Variants in RUNX1 observed in about 807,000 individuals in gnomAD.
RUNX1 encodes the protein runt-related transcription factor 1.
A neutral mutation model predicts 42.8 loss-of-function variants in RUNX1; 19 were observed. The ratio of observed to expected loss-of-function variants is 0.44; its 90% CI spans 0.31 to 0.65. RUNX1 has a LOEUF of 0.65. RUNX1 is among the 30% of genes least tolerant of loss of function. The pLI, the probability that RUNX1 is intolerant of heterozygous loss-of-function variation, is 0.07. For synonymous variants in RUNX1, 271 were observed against 289.4 expected, an observed-to-expected ratio of 0.94 and a Z score of 0.64; for missense variants, 528 against 672.0, an observed-to-expected ratio of 0.79 and a Z score of 2.37.
chr21:34,857,905 A>T (rs994661569), intron 6 of RUNX1, among the ~76,000 whole-genome samples: 12 of 152,296 alleles, frequency 7.9e-5, no homozygotes, highest in African/African-American at 2.9e-4. Context: ...TTCACTCATA[A>T]AGAAGAATCA....
At chr21:34,966,187 CA>C (rs1321204071) in intron 2 of RUNX1, among the ~76,000 whole-genome samples, 1 of 152,186 alleles carries the variant, frequency 6.6e-6, no homozygotes, top group Admixed American at 6.5e-5. Context: ...CCCAAGATCA[CA>C]AGGCAAGAAA....
At position 34,792,398 on chromosome 21, in the gene RUNX1, C is replaced by T. The variant is rs2056455422; in HGVS notation, c.1180G>A (p.Gly394Ser). Residue 394 changes from glycine to serine, a missense_variant, in exon 9 of 9, where the codon GGC becomes AGC. By Grantham distance (56) the Gly-to-Ser change is moderately conservative. Transcript: ENST00000675419. The surrounding 1 kb of genome is among the most constrained non-coding windows in gnomAD (Gnocchi z 6.9). ...PYPGSSQAQG[G>S]PFQASSPSYH... Reference sequence around the variant, plus strand: ...GAGGGCGAGCTGGCTTGGAACGGGCCTCCCTGCGCTTGCGACGAGCCGGGG... The same window carrying T: ...GAGGGCGAGCTGGCTTGGAACGGGCTTCCCTGCGCTTGCGACGAGCCGGGG... 2 of 1,566,316 alleles carry T rather than the reference C, an allele frequency of 1.3e-6. No individual in the cohort carries two copies. Among genetic ancestry groups the T allele is most frequent in the Non-Finnish European group, 1.7e-6 (2 of 1,155,548 alleles).
chr21:34,866,785 T>C (rs2057669345), intron 5 of RUNX1, among the ~76,000 whole-genome samples: 1 of 152,230 alleles, frequency 6.6e-6, no homozygotes, highest in South Asian at 2.1e-4. Flanking sequence ...AAAGTGCCTG[T>C]ATTTGCAGAT....
chr21:34,829,070 A>G (rs2146041511), intron 7 of RUNX1, among the ~76,000 whole-genome samples: 1 of 152,294 alleles, frequency 6.6e-6, no homozygotes, highest in Admixed American at 6.5e-5. Context: ...TAAGAAAACT[A>G]AGGCTTTAAA....
At chr21:34,979,993 C>A (rs144251865) in intron 2 of RUNX1, among the ~76,000 whole-genome samples, 27 of 152,314 alleles carry the variant, frequency 1.8e-4, no homozygotes, top group South Asian at 1.2e-3. Flanking sequence ...CGAAAGCGAG[C>A]TACTTGCTGT....
At chr21:34,892,808 AATT>A in intron 3 of RUNX1, 114 bp downstream of exon 3, 1 of 674,260 alleles carries the variant, frequency 1.5e-6, no homozygotes. Flanking sequence ...AAACAGCCTT[AATT>A]ATTTGGTTAA....
rs528191303 is a variant in RUNX1 at position 34,896,588 on chromosome 21, C to A, written c.59-3625G>T. On this transcript the variant is annotated intron_variant, in intron 2 of 8. Transcript: ENST00000675419. ...ATCCCAGCTATTCAGGAGGCTGAGG[C>A]AGGAGAATCACTAGAACCCAGGAGG... Among the ~76,000 whole-genome samples the A allele has an allele frequency of 2.6e-5, 4 of 152,270 alleles. No individual in the cohort carries two copies. The South Asian group carries it at 6.2e-4, about 24-fold the overall frequency.
chr21:34,944,663 C>T (rs1473163984), intron 2 of RUNX1, among the ~76,000 whole-genome samples: 1 of 152,160 alleles, frequency 6.6e-6, no homozygotes, highest in Non-Finnish European at 1.5e-5. Context: ...ACAGATGGCA[C>T]ATGCTGCAGT....
intron 2 of RUNX1, among the ~76,000 whole-genome samples, chr21:34,937,633 A>C (rs1601590318): frequency 6.6e-6 from 1 of 151,556 alleles, no homozygotes. Context: ...AAGTTTTTTG[A>C]GGCTCAATGT....
Position 34,907,483 on chromosome 21 carries a change from C to G in RUNX1, c.59-14520G>C, listed in dbSNP as rs771020864. On this transcript the variant is annotated intron_variant, in intron 2 of 8. Transcript: ENST00000675419. This position sits in a 1 kb window ranked among gnomAD's most constrained non-coding sequence, Gnocchi z 5.3. Reference sequence around the variant, plus strand: ...TTTTGATTGATGTATCTCCCCTGAGCCCTGGCATACTATTTACTTCTTACT... The same window carrying G: ...TTTTGATTGATGTATCTCCCCTGAGGCCTGGCATACTATTTACTTCTTACT... Among the ~76,000 whole-genome samples the G allele has an allele frequency of 2.2e-4, 33 of 152,082 alleles. No individual in the cohort carries two copies. The highest frequency in any genetic ancestry group is 7.5e-4 in the African/African-American group (31 of 41,378).
chr21:34,841,451 C>A (rs2057233392), intron 6 of RUNX1, among the ~76,000 whole-genome samples: 1 of 152,174 alleles, frequency 6.6e-6, no homozygotes, highest in Non-Finnish European at 1.5e-5. Context: ...GTGTATGGGG[C>A]TTTCCTACTC....
At chr21:34,799,054 A>G (rs963033306) in intron 8 of RUNX1, among the ~76,000 whole-genome samples, 4 of 152,210 alleles carry the variant, frequency 2.6e-5, no homozygotes, top group African/African-American at 9.6e-5. Context: ...CTTTCTTGCC[A>G]AATGTGAACA....
chr21:35,003,847 G>A (rs2059064552), intron 2 of RUNX1, among the ~76,000 whole-genome samples: 1 of 152,110 alleles, frequency 6.6e-6, no homozygotes, highest in South Asian at 2.1e-4. Context: ...TGGAGAAACT[G>A]TATCTTTAAC....
Position 34,907,357 on chromosome 21 carries a change from TA to T in RUNX1, c.59-14395del, listed in dbSNP as rs2146508089. Among the ~76,000 whole-genome samples, 1 of 152,178 alleles carries T rather than the reference TA, an allele frequency of 6.6e-6. No individual in the cohort carries two copies. The highest frequency in any genetic ancestry group is 1.9e-4 in the East Asian group (1 of 5,186). On this transcript the variant is annotated intron_variant, in intron 2 of 8. Coordinates refer to ENST00000675419, the MANE Select transcript of RUNX1 (RefSeq NM_001754.5). The surrounding 1 kb of genome is among the most constrained non-coding windows in gnomAD (Gnocchi z 5.3). ...CCCATAGATTGGTTGTTAATAATAA[TA>T]ATAACAAAAGCAAGGTAAGAAGAAG...
chr21:34,826,411 A>C (rs1395401242), intron 7 of RUNX1, among the ~76,000 whole-genome samples: 10 of 150,420 alleles, frequency 6.6e-5, no homozygotes, highest in Admixed American at 3.4e-4. Flanking sequence ...ATATGAAATA[A>C]ATTTCTTTTG....
At chr21:34,855,474 G>C (rs1160747362) in intron 6 of RUNX1, among the ~76,000 whole-genome samples, 1 of 152,146 alleles carries the variant, frequency 6.6e-6, no homozygotes, top group Non-Finnish European at 1.5e-5. Context: ...GGAAGCCAAG[G>C]TGGGCAGATC....
At chr21:35,001,212 C>G (rs1479609186) in intron 2 of RUNX1, among the ~76,000 whole-genome samples, 2 of 150,936 alleles carry the variant, frequency 1.3e-5, no homozygotes, top group South Asian at 4.2e-4. Context: ...TTTTTAATAG[C>G]CTTATTGAGA....
chr21:35,035,750 G>A (rs1027559160), intron 2 of RUNX1, among the ~76,000 whole-genome samples: 5 of 152,152 alleles, frequency 3.3e-5, no homozygotes, highest in East Asian at 1.9e-4. Flanking sequence ...TCTCCCTCTC[G>A]TTTGACGCGG....
chr21:34,840,418 T>C (rs748000379), intron 6 of RUNX1, among the ~76,000 whole-genome samples: 1 of 152,162 alleles, frequency 6.6e-6, no homozygotes, highest in African/African-American at 2.4e-5. Context: ...AACAAGTCTC[T>C]TCATCACTGA....
Sources: allele counts gnomAD v4.1 joint callset (sites outside exome capture counted in the v4.1 genomes callset), GRCh38; gene constraint gnomAD v4.1.1; non-coding constraint Gnocchi (gnomAD v3.1); transcripts MANE v1.5; gene names NCBI Gene and HGNC (gene_info 2026-07-23, HGNC 2026-07-21).